HPSE2: variants seen among roughly 807,000 people sequenced by gnomAD.
The protein encoded by HPSE2 is heparanase 2 (inactive), also known as inactive heparanase-2.
A neutral mutation model predicts 60.5 loss-of-function variants in HPSE2; 38 were observed. The observed-to-expected ratio is 0.63, with a 90% CI of 0.48 to 0.82. HPSE2 has a LOEUF of 0.82. Ranked by LOEUF, HPSE2 falls within the 40% of genes least tolerant of loss-of-function variation. The probability of loss-of-function intolerance (pLI) is 0.00; values close to 1 mark genes in which losing one functional copy is unlikely to be tolerated. For missense variants in HPSE2, 713 were observed against 740.4 expected, an observed-to-expected ratio of 0.96 and a Z score of 0.43; for synonymous variants, 295 against 293.2, an observed-to-expected ratio of 1.01 and a Z score of -0.06.
chr10:98,555,251 G>T (rs977199183), intron 9 of HPSE2, among the ~76,000 whole-genome samples: 3 of 152,162 alleles, frequency 2.0e-5, no homozygotes, highest in Non-Finnish European at 2.9e-5. Context: ...TAGCCTCAGG[G>T]AATAGAATGT....
the HPSE2 span, among the ~76,000 whole-genome samples, chr10:99,313,302 G>A: frequency 3.3e-5 from 5 of 152,116 alleles, no homozygotes; most frequent in Non-Finnish European, 7.3e-5. Flanking sequence ...GACTCTGAGG[G>A]GTTCCAAAAT....
At chr10:99,161,058 A>G (rs1353724240) in intron 2 of HPSE2, among the ~76,000 whole-genome samples, 3 of 151,876 alleles carry the variant, frequency 2.0e-5, no homozygotes, top group Non-Finnish European at 4.4e-5. Flanking sequence ...CCATCTGTAC[A>G]AAAAATTTAA....
chr10:99,230,542 T>A (rs983702951), intron 2 of HPSE2, among the ~76,000 whole-genome samples: 83 of 152,222 alleles, frequency 5.5e-4, no homozygotes, highest in African/African-American at 1.8e-3. Flanking sequence ...GTTTTTTTTT[T>A]AATTTTATAT....
chr10:98,823,118 C>A (rs1047945417), intron 3 of HPSE2, among the ~76,000 whole-genome samples: 1 of 152,046 alleles, frequency 6.6e-6, no homozygotes, highest in African/African-American at 2.4e-5. Flanking sequence ...GAGCCAGAAG[C>A]CAAAGAATGT....
chr10:99,075,384 GA>G (rs1842922980), intron 3 of HPSE2, among the ~76,000 whole-genome samples: 1 of 152,134 alleles, frequency 6.6e-6, no homozygotes, highest in South Asian at 2.1e-4. Flanking sequence ...ACTGTGATCA[GA>G]AAAGATACTT....
chr10:98,954,685 C>G (rs1402946394), intron 3 of HPSE2, among the ~76,000 whole-genome samples: 1 of 152,050 alleles, frequency 6.6e-6, no homozygotes, highest in Non-Finnish European at 1.5e-5. Context: ...TAACCTTACC[C>G]CATTGATCAC....
chr10:99,094,515 CATATATATAT>C lies in HPSE2; in HGVS notation c.610+49713_610+49722del, dbSNP rs1196185515. On this transcript the variant is annotated intron_variant, in intron 3 of 11. Coordinates refer to ENST00000370552, the MANE Select transcript of HPSE2 (RefSeq NM_021828.5). ...CAGTTATTCTCTCTTTTTTATCATT[CATATATATAT>C]ATATATATATATATATTTTTTTTTT... is the stretch of plus-strand genomic sequence containing the variant. Among the ~76,000 whole-genome samples, 18 of 25,886 alleles carry C rather than the reference CATATATATAT, an allele frequency of 7.0e-4. 1 individual carries two copies. The highest frequency in any genetic ancestry group is 1.8e-3 in the African/African-American group (14 of 7,980). 17.0% of individuals were successfully genotyped at this position (25,886 alleles called of 152,430 possible).
intron 5 of HPSE2, among the ~76,000 whole-genome samples, chr10:98,711,870 A>G (rs1315567937): frequency 1.3e-5 from 2 of 152,124 alleles, no homozygotes; most frequent in Non-Finnish European, 2.9e-5. Context: ...AAATGCCAAT[A>G]TCTGGCTCAC....
chr10:98,516,576 T>C (rs1231577646), intron 9 of HPSE2, among the ~76,000 whole-genome samples: 1 of 152,158 alleles, frequency 6.6e-6, no homozygotes, highest in Non-Finnish European at 1.5e-5. Flanking sequence ...TGCCTAGAGA[T>C]AAAAATCAGT....
chr10:98,900,950 C>A (rs1953650415), intron 3 of HPSE2, among the ~76,000 whole-genome samples: 1 of 151,966 alleles, frequency 6.6e-6, no homozygotes, highest in African/African-American at 2.4e-5. Context: ...TGGAAACAAC[C>A]CAAATGTCCA....
intron 2 of HPSE2, among the ~76,000 whole-genome samples, chr10:99,227,425 T>C (rs1208240815): frequency 6.6e-6 from 1 of 152,066 alleles, no homozygotes; most frequent in Non-Finnish European, 1.5e-5. Flanking sequence ...GTAGTTCTAG[T>C]GCAAGGCTTT....
rs981481114 is a variant in HPSE2 at position 98,461,920 on chromosome 10, G to C, written c.1614-2181C>G. ...AGGCCCTATTCTGGTTTCTTTATTG[G>C]TTGGTTAAAAAGCTAAGAGTAGAAC... On this transcript the variant is annotated intron_variant, in intron 11 of 11. Coordinates refer to ENST00000370552, the MANE Select transcript of HPSE2 (RefSeq NM_021828.5). 4 of 887,428 alleles carry C rather than the reference G, an allele frequency of 4.5e-6. No individual in the cohort carries two copies. In the African/African-American group the frequency reaches 6.7e-5, roughly 15 times the overall value. 55.0% of individuals were successfully genotyped at this position (887,428 alleles called of 1,614,324 possible).
intron 3 of HPSE2, among the ~76,000 whole-genome samples, chr10:98,990,448 G>A (rs766562636): frequency 2.6e-5 from 4 of 152,190 alleles, no homozygotes; most frequent in Admixed American, 2.0e-4. Flanking sequence ...AGCTCAGGCA[G>A]TAACGCCAAG....
At chr10:99,152,310 CA>C (rs1004063463) in intron 2 of HPSE2, among the ~76,000 whole-genome samples, 2,229 of 54,066 alleles carry the variant, frequency 0.041, 41 homozygotes, top group African/African-American at 0.12. Flanking sequence ...GACTCCACCT[CA>C]AAAAAAAAAA....
intron 3 of HPSE2, among the ~76,000 whole-genome samples, chr10:99,105,069 A>AG: frequency 6.6e-6 from 1 of 151,998 alleles, no homozygotes; most frequent in Non-Finnish European, 1.5e-5. Flanking sequence ...AATAAAAAAA[A>AG]AAAAAAAGAA....
intron 3 of HPSE2, among the ~76,000 whole-genome samples, chr10:98,889,004 A>C (rs1203693090): frequency 2.0e-5 from 3 of 152,150 alleles, no homozygotes; most frequent in Non-Finnish European, 4.4e-5. Flanking sequence ...CCACCTGGGC[A>C]AAATAGCAAG....
At chr10:98,995,998 T>C (rs1414174723) in intron 3 of HPSE2, among the ~76,000 whole-genome samples, 1 of 152,076 alleles carries the variant, frequency 6.6e-6, no homozygotes, top group Non-Finnish European at 1.5e-5. Context: ...AAATAAAATC[T>C]ACAGATTAGT....
intron 11 of HPSE2, among the ~76,000 whole-genome samples, chr10:98,472,418 G>A (rs1247579492): frequency 6.6e-6 from 1 of 152,124 alleles, no homozygotes; most frequent in Non-Finnish European, 1.5e-5. Flanking sequence ...GCTCTGAATG[G>A]CCTTTCAAAA....
At chr10:99,175,810 C>T (rs1847503256) in intron 2 of HPSE2, among the ~76,000 whole-genome samples, 1 of 152,192 alleles carries the variant, frequency 6.6e-6, no homozygotes, top group Non-Finnish European at 1.5e-5. Flanking sequence ...TCCCTGACCC[C>T]CATGCCTCCT....
Sources: gnomAD v4.1 joint callset for allele counts (sites outside exome capture counted in the v4.1 genomes callset) on GRCh38, gnomAD v4.1.1 for gene constraint, MANE v1.5 for transcripts, NCBI Gene and HGNC (gene_info 2026-07-23, HGNC 2026-07-21) for gene names.